The following TRIM48 variants were observed in gnomAD, a reference collection of about 807,000 sequenced individuals.
The protein encoded by TRIM48 is E3 ubiquitin-protein ligase TRIM48.
In TRIM48, 31 loss-of-function variants were observed where a neutral mutation model predicts 29.5. That is an observed-to-expected ratio of 1.05 (90% CI 0.79 to 1.42). TRIM48 has a LOEUF of 1.42. Ranked by LOEUF, TRIM48 falls within the 40% of genes most tolerant of loss-of-function variation. The pLI is 0.00. For synonymous variants in TRIM48, 128 were observed against 90.6 expected (o/e 1.41, Z -2.34); for missense variants, 344 against 265.0 (o/e 1.30, Z -2.07).
chr11:55,262,784 G>A (rs1857324284), intron 1 of TRIM48, among the ~76,000 whole-genome samples: 1 of 144,982 alleles, frequency 6.9e-6, no homozygotes, highest in Non-Finnish European at 1.5e-5. Flanking sequence ...ATCCCAGTTT[G>A]GAAATCAAAA....
chr11:55,268,539 C>CATAA (rs910266025), intron 4 of TRIM48, among the ~76,000 whole-genome samples, 167 bp downstream of exon 4: 3 of 146,974 alleles, frequency 2.0e-5, no homozygotes, highest in African/African-American at 7.5e-5. Flanking sequence ...TAAATAAATA[C>CATAA]ATAAATAAAT....
chr11:55,267,956 C>A (rs1336226789), intron 3 of TRIM48, among the ~76,000 whole-genome samples: 3 of 147,734 alleles, frequency 2.0e-5, no homozygotes, highest in East Asian at 4.3e-4. Context: ...GATTCATTTA[C>A]ATTTAGGTTA....
At chr11:55,269,141 G>C (rs576407713) in intron 4 of TRIM48, 101 bp from the exon 5 acceptor site, 4 of 1,431,434 alleles carry the variant, frequency 2.8e-6, no homozygotes, top group Admixed American at 2.2e-5. Context: ...TATCAAATTT[G>C]TGGGTTCAAA....
intron 1 of TRIM48, among the ~76,000 whole-genome samples, chr11:55,263,371 A>G (rs143956247): frequency 6.6e-6 from 1 of 151,876 alleles, no homozygotes; most frequent in African/African-American, 2.4e-5. Flanking sequence ...AAACAATAAA[A>G]CCTAGGCGCA....
chr11:55,262,378 A>T, intron 1 of TRIM48, 67 bp downstream of exon 1: 2 of 1,120,900 alleles, frequency 1.8e-6, no homozygotes, highest in Middle Eastern at 2.8e-4. Context: ...TTAGAGTGTT[A>T]AAAATATCTC....
In TRIM48 at chr11:55,262,413, A is replaced by G. The variant is rs1451311305; in HGVS notation, c.44+102A>G. 11 of 822,422 alleles carry G rather than the reference A, an allele frequency of 1.3e-5. No individual in the cohort carries two copies. In the South Asian group the frequency reaches 1.5e-4, roughly 12 times the overall value. 50.9% of individuals were successfully genotyped at this position (822,422 alleles called of 1,614,324 possible). On this transcript the variant is annotated intron_variant, in intron 1 of 5. Transcript: ENST00000417545. ...CATTATCTTAAATCTACACAATGAT[A>G]CCATCTGTAATTCATATTCTTACTA...
Position 55,267,485 on chromosome 11 carries a change from C to T in TRIM48, c.556-865C>T. On this transcript the variant is annotated intron_variant, in intron 3 of 5. Transcript: ENST00000417545. Reference sequence around the variant, plus strand: ...TGCATTTCATCATGAAGAAGAAAAACATAATTTGGAGATGCTGAAAAAGAA... The same window carrying T: ...TGCATTTCATCATGAAGAAGAAAAATATAATTTGGAGATGCTGAAAAAGAA... The T allele has an allele frequency of 3.2e-6, 5 of 1,579,412 alleles. 1 individual carries two copies. The South Asian group carries it at 6.0e-5, about 19-fold the overall frequency.
intron 1 of TRIM48, among the ~76,000 whole-genome samples, chr11:55,263,880 GAGAA>G (rs1340487636): frequency 1.3e-5 from 2 of 152,138 alleles, no homozygotes; most frequent in Non-Finnish European, 2.9e-5. Flanking sequence ...CCAGCTTCAG[GAGAA>G]AGAAAGAGGA....
At position 55,265,146 on chromosome 11, in the gene TRIM48, T is replaced by C. The variant is rs138218816; in HGVS notation, c.291T>C (p.Ser97=). Residue 97 remains serine, a synonymous_variant, in exon 2 of 6, where the codon AGT becomes AGC. Coordinates refer to ENST00000417545, the MANE Select transcript of TRIM48 (RefSeq NM_024114.5). ...KKMASLARKA[S]LWLFLSSEEQ... ...TGGCTTCCCTTGCCAGAAAAGCCAG[T>C]CTCTGGCTATTCCTGAGCTCTGAGG... The C allele has an allele frequency of 7.0e-5, 111 of 1,582,416 alleles. 12 individuals carry two copies. The highest frequency in any genetic ancestry group is 9.2e-5 in the Non-Finnish European group (107 of 1,165,962).
In TRIM48 at chr11:55,264,350, CTTTAA is replaced by C. The variant is rs1401257315; in HGVS notation, c.45-546_45-542del. On this transcript the variant is annotated intron_variant, in intron 1 of 5. Transcript: ENST00000417545. ...GCTTTGGATTTGGTTTTTTATTTTA[CTTTAA>C]TTTTATATTATTTTCAGTCCTGAGA... Among the ~76,000 whole-genome samples the C allele has an allele frequency of 1.4e-5, 2 of 147,308 alleles. 1 individual carries two copies. The highest frequency in any genetic ancestry group is 5.0e-5 in the African/African-American group (2 of 40,256).
chr11:55,268,525 T>A lies in TRIM48; in HGVS notation c.578+153T>A, dbSNP rs567497802. The stretch of plus-strand genomic sequence containing the variant: ...CCCACACCAGAAAAGACAAGACCAC[T>A]AAGTAAATAAATACATAAATAAATA... On this transcript the variant is annotated intron_variant, in intron 4 of 5. Transcript: ENST00000417545. Among the ~76,000 whole-genome samples the A allele has an allele frequency of 5.4e-5, 8 of 147,408 alleles. 1 individual carries two copies. In the South Asian group the frequency reaches 2.0e-3, roughly 36 times the overall value.
chr11:55,268,256 T>C lies in TRIM48; in HGVS notation c.556-94T>C, dbSNP rs987860259. 14 of 1,118,100 alleles carry C rather than the reference T, an allele frequency of 1.3e-5. 1 individual carries two copies. In the Admixed American group the frequency reaches 2.0e-4, roughly 16 times the overall value. The allele number at this position is 1,118,100 out of a possible 1,614,324, so 69.3% of individuals were successfully genotyped here. Reference sequence around the variant, plus strand: ...AGAAGAGAAGAAGGTAGGGAAATAATATCTTGAGGAACTGACTCCAAATTT... The same window carrying C: ...AGAAGAGAAGAAGGTAGGGAAATAACATCTTGAGGAACTGACTCCAAATTT... On this transcript the variant is annotated intron_variant, in intron 3 of 5. Transcript: ENST00000417545.
rs1857363832 is a variant in TRIM48, at chr11:55,264,991, T to A, written c.136T>A (p.Cys46Ser). The A allele has an allele frequency of 1.3e-6, 2 of 1,584,712 alleles. No homozygotes were observed. The highest frequency in any genetic ancestry group is 1.7e-6 in the Non-Finnish European group (2 of 1,166,438). ...CTTCATAGACCCGGTCACCATAGACTGTGGGCACAGCTTTTGCAGGCCCTG... is the reference window on the plus strand; with the variant it reads ...CTTCATAGACCCGGTCACCATAGACAGTGGGCACAGCTTTTGCAGGCCCTG... ...NYFIDPVTID[C>S]GHSFCRPCFY... The change falls in exon 2 of 6, where the codon TGT (cysteine) becomes AGT (serine). Residue 46 changes from cysteine to serine, a missense_variant. By Grantham distance (112) the Cys-to-Ser change is moderately radical (BLOSUM62 -1). Transcript: ENST00000417545.
At position 55,270,714 on chromosome 11, in the gene TRIM48, T is replaced by C; in HGVS notation, c.*279T>C. On this transcript the variant is annotated 3_prime_UTR_variant, in exon 6 of 6. Coordinates refer to ENST00000417545, the MANE Select transcript of TRIM48 (RefSeq NM_024114.5). ...TATATGGAGAGGAGGGACTCTTTAG[T>C]CTTGGGTGTGTTAAGAACGACATTC... is the stretch of plus-strand genomic sequence containing the variant. 1.9e-6 allele frequency: 3 copies of C among 1,567,836 alleles called. 1 individual carries two copies. The highest frequency in any genetic ancestry group is 2.6e-6 in the Non-Finnish European group (3 of 1,151,864).
intron 1 of TRIM48, among the ~76,000 whole-genome samples, chr11:55,262,985 G>C (rs1326568245): frequency 1.3e-5 from 2 of 151,996 alleles, no homozygotes; most frequent in African/African-American, 2.4e-5. Flanking sequence ...TCAAATAAAG[G>C]AGAGTAACGA....
chr11:55,263,902 T>C (rs1184948980), intron 1 of TRIM48, among the ~76,000 whole-genome samples: 1 of 152,154 alleles, frequency 6.6e-6, no homozygotes, highest in Non-Finnish European at 1.5e-5. Flanking sequence ...GGAAATTGCC[T>C]TTCCTCTGGC....
In TRIM48 at chr11:55,269,451, G is replaced by T; in HGVS notation, c.*1+112G>T. 4.4e-6 allele frequency: 6 copies of T among 1,358,050 alleles called. 1 individual carries two copies. Among genetic ancestry groups the T allele is most frequent in the Non-Finnish European group, 6.0e-6 (6 of 1,007,184 alleles). The allele number at this position is 1,358,050 out of a possible 1,614,324, so 84.1% of individuals were successfully genotyped here. A position where few individuals can be genotyped will look rare whatever the true frequency, so the allele number is the denominator to read the frequency against. On this transcript the variant is annotated intron_variant, in intron 5 of 5. Coordinates refer to ENST00000417545, the MANE Select transcript of TRIM48 (RefSeq NM_024114.5). ...ATATTTTACTACTTTATAAGCATAA[G>T]AGAACAATATAATCATGCAACCCTT...
chr11:55,264,064 G>A (rs1428203726), intron 1 of TRIM48, among the ~76,000 whole-genome samples: 1 of 151,878 alleles, frequency 6.6e-6, no homozygotes, highest in East Asian at 1.9e-4. Flanking sequence ...CATTTCCCTG[G>A]GTGTTGGTTA....
chr11:55,262,391 T>A, intron 1 of TRIM48, 80 bp downstream of exon 1: 1 of 1,013,690 alleles, frequency 9.9e-7, no homozygotes. Flanking sequence ...AATATCTCAT[T>A]ATCTTAAATC....
Sources: gnomAD v4.1 joint callset for allele counts (sites outside exome capture counted in the v4.1 genomes callset) on GRCh38, gnomAD v4.1.1 for gene constraint, MANE v1.5 for transcripts, NCBI Gene and HGNC (gene_info 2026-07-23, HGNC 2026-07-21) for gene names.